CDK6: variants seen among roughly 807,000 people sequenced by gnomAD.
The protein encoded by CDK6 is cyclin-dependent kinase 6.
A neutral mutation model predicts 37.1 loss-of-function variants in CDK6; 6 were observed. The ratio of observed to expected loss-of-function variants is 0.16; its 90% CI spans 0.09 to 0.32. CDK6 has a LOEUF of 0.32. Ranked by LOEUF, CDK6 falls within the 10% of genes least tolerant of loss-of-function variation. The probability of loss-of-function intolerance (pLI) is 1.00; values close to 1 mark genes in which losing one functional copy is unlikely to be tolerated. For missense variants in CDK6, 224 were observed against 418.9 expected (o/e 0.53, Z 4.06); for synonymous variants, 160 against 161.3 (o/e 0.99, Z 0.06).
intron 5 of CDK6, among the ~76,000 whole-genome samples, chr7:92,669,834 C>G (rs1261145993): frequency 2.6e-5 from 4 of 152,198 alleles, no homozygotes; most frequent in Non-Finnish European, 5.9e-5. Context: ...GGTTCTTATC[C>G]TGGAGGCTGT....
chr7:92,757,895 C>G (rs1799355013), intron 3 of CDK6, among the ~76,000 whole-genome samples: 2 of 152,190 alleles, frequency 1.3e-5, no homozygotes, highest in African/African-American at 4.8e-5. Flanking sequence ...CTGCATTTCT[C>G]TAATGATCAG....
intron 3 of CDK6, among the ~76,000 whole-genome samples, chr7:92,767,198 A>G (rs1432566341): frequency 6.6e-6 from 1 of 152,220 alleles, no homozygotes; most frequent in Non-Finnish European, 1.5e-5. Flanking sequence ...ACACATGCAT[A>G]ATTCTGTCCT....
chr7:92,700,780 G>A (rs534543685), intron 4 of CDK6, among the ~76,000 whole-genome samples: 2 of 152,322 alleles, frequency 1.3e-5, no homozygotes, highest in South Asian at 4.1e-4. Context: ...AGTGAGAGAC[G>A]TGGAAGGAAA....
At chr7:92,677,813 A>C (rs1479051896) in intron 4 of CDK6, among the ~76,000 whole-genome samples, 1 of 152,164 alleles carries the variant, frequency 6.6e-6, no homozygotes, top group African/African-American at 2.4e-5. Flanking sequence ...TAATTATCTC[A>C]AATTATGACA....
rs1795719916 is a variant in CDK6, at chr7:92,618,061, G to A, written c.834+11C>T. 1 of 1,613,720 alleles carries A rather than the reference G, an allele frequency of 6.2e-7. No homozygotes were observed. The highest frequency in any genetic ancestry group is 8.5e-7 in the Non-Finnish European group (1 of 1,179,764). On this transcript the variant is annotated intron_variant, in intron 7 of 7. Transcript: ENST00000424848. The stretch of plus-strand genomic sequence containing the variant: ...CACAGTGCAGACGAGCTTGACATCA[G>A]AAAAACTTACCAGAAGTAGGTCTTT...
intron 3 of CDK6, among the ~76,000 whole-genome samples, chr7:92,746,877 T>C (rs1799073243): frequency 6.6e-6 from 1 of 152,234 alleles, no homozygotes. Context: ...CAGTTATTTT[T>C]CTATATGCTC....
chr7:92,609,247 C>A lies in CDK6; in HGVS notation c.*5893G>T, dbSNP rs540774296. On this transcript the variant is annotated 3_prime_UTR_variant, in exon 8 of 8. Coordinates refer to ENST00000424848, the MANE Select transcript of CDK6 (RefSeq NM_001145306.2). ...ACTGAAAAATACTGCAATATCCTTC[C>A]CTACTAAATTTCAAGTGACACTGCT... 4.3e-6 allele frequency: 1 copy of A among 232,612 alleles called. No individual in the cohort carries two copies. The highest frequency in any genetic ancestry group is 6.1e-5 in the East Asian group (1 of 16,512). 14.4% of individuals were successfully genotyped at this position (232,612 alleles called of 1,614,324 possible).
At chr7:92,764,873 C>T (rs1799541773) in intron 3 of CDK6, among the ~76,000 whole-genome samples, 1 of 152,162 alleles carries the variant, frequency 6.6e-6, no homozygotes, top group African/African-American at 2.4e-5. Flanking sequence ...CTGATGGATA[C>T]CTACTTTGTA....
At chr7:92,682,750 T>C (rs1229980273) in intron 4 of CDK6, among the ~76,000 whole-genome samples, 3 of 152,222 alleles carry the variant, frequency 2.0e-5, no homozygotes, top group African/African-American at 4.8e-5. Context: ...ATAAATTTTA[T>C]AGGCCATAGT....
At chr7:92,821,551 A>AT (rs1801171901) in intron 2 of CDK6, among the ~76,000 whole-genome samples, 1 of 152,092 alleles carries the variant, frequency 6.6e-6, no homozygotes, top group Non-Finnish European at 1.5e-5. Flanking sequence ...CCTCACCTGC[A>AT]AACTTTGGTA....
rs143447103 is a variant in CDK6 at position 92,674,304 on chromosome 7, C to T, written c.538-2769G>A. On this transcript the variant is annotated intron_variant, in intron 4 of 7. Coordinates refer to ENST00000424848, the MANE Select transcript of CDK6 (RefSeq NM_001145306.2). ...TGCCAGCACCACCCTGTTGCAGCACCAGCTGCTATCTGAAAATCATACCTT... is the reference window on the plus strand; with the variant it reads ...TGCCAGCACCACCCTGTTGCAGCACTAGCTGCTATCTGAAAATCATACCTT... Among the ~76,000 whole-genome samples, 579 of 152,258 alleles carry T rather than the reference C, an allele frequency of 3.8e-3. 5 individuals are homozygous for T. The highest frequency in any genetic ancestry group is 0.013 in the African/African-American group (560 of 41,548).
At chr7:92,818,432 A>C (rs1801082968) in intron 2 of CDK6, among the ~76,000 whole-genome samples, 1 of 152,048 alleles carries the variant, frequency 6.6e-6, no homozygotes, top group South Asian at 2.1e-4. Context: ...CTCAAGCCAA[A>C]CACAAAGACT....
At chr7:92,626,698 A>AGGTGGGACAAG (rs1795935548) in intron 5 of CDK6, among the ~76,000 whole-genome samples, 1 of 152,036 alleles carries the variant, frequency 6.6e-6, no homozygotes, top group Non-Finnish European at 1.5e-5. Context: ...GGAAATGGCT[A>AGGTGGGACAAG]GAGATGCAAA....
At chr7:92,796,466 C>T (rs898953046) in intron 2 of CDK6, among the ~76,000 whole-genome samples, 2 of 151,994 alleles carry the variant, frequency 1.3e-5, no homozygotes, top group African/African-American at 4.8e-5. Context: ...TTATAAGTTG[C>T]TACGTGCATA....
chr7:92,705,373 T>C (rs548286293), intron 4 of CDK6, among the ~76,000 whole-genome samples: 2 of 152,340 alleles, frequency 1.3e-5, no homozygotes, highest in Non-Finnish European at 2.9e-5. Flanking sequence ...TAACAAGTAG[T>C]TGTTCACCAA....
At chr7:92,829,533 A>G (rs1801423222) in intron 2 of CDK6, among the ~76,000 whole-genome samples, 2 of 152,184 alleles carry the variant, frequency 1.3e-5, no homozygotes, top group Admixed American at 1.3e-4. Flanking sequence ...GTAGCTAGGT[A>G]TGATTTACCC....
chr7:92,666,753 C>T (rs1179487632), intron 5 of CDK6, among the ~76,000 whole-genome samples: 7 of 152,108 alleles, frequency 4.6e-5, no homozygotes, highest in South Asian at 2.1e-4. Context: ...AAACCTATTG[C>T]GCTGCCAGTC....
intron 3 of CDK6, among the ~76,000 whole-genome samples, chr7:92,756,747 G>A (rs1280786142): frequency 6.6e-6 from 1 of 152,156 alleles, no homozygotes; most frequent in African/African-American, 2.4e-5. Flanking sequence ...CTGTTAAAGG[G>A]ACAGGCAATC....
chr7:92,610,970 T>C lies in CDK6; in HGVS notation c.*4170A>G. On this transcript the variant is annotated 3_prime_UTR_variant, in exon 8 of 8. Transcript: ENST00000424848. ...GGGAAAAAAGTACAGGTAATTTAGT[T>C]TGCTTGGGACAGCTTCTCCATAACA... is the stretch of plus-strand genomic sequence containing the variant. The C allele has an allele frequency of 4.4e-6, 1 of 228,146 alleles. No homozygotes were observed. The highest frequency in any genetic ancestry group is 2.2e-5 in the African/African-American group (1 of 45,178). The allele number at this position is 228,146 out of a possible 1,614,324, so 14.1% of individuals were successfully genotyped here. A position where few individuals can be genotyped will look rare whatever the true frequency, so the allele number is the denominator to read the frequency against.
Sources: allele counts gnomAD v4.1 joint callset (sites outside exome capture counted in the v4.1 genomes callset), GRCh38; gene constraint gnomAD v4.1.1; transcripts MANE v1.5; gene names NCBI Gene and HGNC (gene_info 2026-07-23, HGNC 2026-07-21).